Variants in CLCC1 observed in about 807,000 individuals in gnomAD.
CLCC1 encodes the protein chloride channel CLIC-like protein 1.
In CLCC1, 39 loss-of-function variants were observed where a neutral mutation model predicts 63.3. The ratio of observed to expected loss-of-function variants is 0.62; its 90% confidence interval spans 0.48 to 0.81. The LOEUF is 0.81. Among genes scored for constraint, CLCC1 ranks in the 30% least tolerant of loss-of-function variants. The pLI is 0.00. For missense variants in CLCC1, 549 were observed against 669.4 expected (o/e 0.82, Z 1.98); for synonymous variants, 217 against 239.8 (o/e 0.90, Z 0.88).
At chr1:108,963,161 G>C (rs949825028) in intron 1 of CLCC1, among the ~76,000 whole-genome samples, 200 bp downstream of exon 1, 1 of 152,228 alleles carries the variant, frequency 6.6e-6, no homozygotes, top group Non-Finnish European at 1.5e-5. Context: ...CGGACAGGCA[G>C]CCGCCGGCGC....
chr1:108,945,582 T>C (rs1307028686), intron 5 of CLCC1, among the ~76,000 whole-genome samples: 1 of 152,214 alleles, frequency 6.6e-6, no homozygotes, highest in Non-Finnish European at 1.5e-5. Context: ...ATGAGGTCAA[T>C]TCATAAATAC....
chr1:108,929,700 G>A lies in CLCC1; in HGVS notation c.*2847C>T. 2 of 1,612,990 alleles carry A rather than the reference G, an allele frequency of 1.2e-6. No homozygotes were observed. Among genetic ancestry groups the A allele is most frequent in the Non-Finnish European group, 1.7e-6 (2 of 1,179,194 alleles). ...TTTTAATCTCTCTCATAAACTTCTA[G>A]GGATCCAGATTAGATGATCAAAGAT... On this transcript the variant is annotated 3_prime_UTR_variant, in exon 13 of 13. Coordinates refer to ENST00000369969, the MANE Select transcript of CLCC1 (RefSeq NM_001377458.1).
At chr1:108,937,721 G>A (rs973862515) in intron 10 of CLCC1, among the ~76,000 whole-genome samples, 1 of 152,216 alleles carries the variant, frequency 6.6e-6, no homozygotes, top group African/African-American at 2.4e-5. Flanking sequence ...GTTCTAGTCT[G>A]ATAATTATTC....
chr1:108,941,882 G>C (rs1439954844), intron 7 of CLCC1, among the ~76,000 whole-genome samples: 2 of 151,984 alleles, frequency 1.3e-5, no homozygotes, highest in African/African-American at 4.8e-5. Flanking sequence ...TTGAACTCCT[G>C]ACCTCAAGTG....
intron 2 of CLCC1, among the ~76,000 whole-genome samples, chr1:108,958,269 G>A (rs756927815): frequency 3.3e-5 from 5 of 151,464 alleles, no homozygotes; most frequent in Non-Finnish European, 7.4e-5. Context: ...ACTGCAGTCT[G>A]AAAATATTAA....
At chr1:108,937,816 C>T (rs1045061582) in intron 10 of CLCC1, among the ~76,000 whole-genome samples, 2 of 152,146 alleles carry the variant, frequency 1.3e-5, no homozygotes, top group African/African-American at 4.8e-5. Flanking sequence ...ATCTTCTGTA[C>T]ATTTTCTTTT....
intron 2 of CLCC1, among the ~76,000 whole-genome samples, chr1:108,952,481 T>C (rs1655331331): frequency 6.6e-6 from 1 of 152,218 alleles, no homozygotes; most frequent in Non-Finnish European, 1.5e-5. Flanking sequence ...CCCCCTGTTT[T>C]TTTTTAACAA....
intron 12 of CLCC1, chr1:108,933,854 A>G (rs1652415335): frequency 1.3e-5 from 2 of 152,194 alleles, no homozygotes; most frequent in African/African-American, 4.8e-5. Flanking sequence ...CAAACTTCCT[A>G]TGGACAAGAC....
chr1:108,956,472 T>A (rs1414712263), intron 2 of CLCC1, among the ~76,000 whole-genome samples: 1 of 150,840 alleles, frequency 6.6e-6, no homozygotes, highest in Non-Finnish European at 1.5e-5. Context: ...CCATCCCGGC[T>A]AACACAGTGA....
intron 2 of CLCC1, among the ~76,000 whole-genome samples, chr1:108,954,851 T>TGTGTGTGTGTGA (rs1372044601): frequency 1.6e-4 from 24 of 145,734 alleles, no homozygotes; most frequent in African/African-American, 6.3e-4. Context: ...TGTGTGTGTG[T>TGTGTGTGTGTGA]GACGGAGTTT....
chr1:108,949,833 G>T lies in CLCC1; in HGVS notation c.218C>A (p.Ser73Tyr). The T allele has an allele frequency of 1.3e-6, 2 of 1,565,580 alleles. No homozygotes were observed. The highest frequency in any genetic ancestry group is 1.7e-6 in the Non-Finnish European group (2 of 1,154,762). ...AAAAAAACTAACCTTATAAGTTAAA[G>T]AATCAAGTTTGTGATAACATTCTGA... The part of the protein sequence containing the change: ...EISECYHKLD[S>Y]LTYKIDECEK... Residue 73 changes from serine to tyrosine, a missense_variant, in exon 4 of 13, where the codon TCT becomes TAT. Physicochemically the swap from Ser to Tyr is moderately radical, Grantham distance 144 (BLOSUM62 -2). Coordinates refer to ENST00000369969, the MANE Select transcript of CLCC1 (RefSeq NM_001377458.1).
At chr1:108,953,643 A>G (rs1346736259) in intron 2 of CLCC1, among the ~76,000 whole-genome samples, 1 of 152,232 alleles carries the variant, frequency 6.6e-6, no homozygotes, top group Non-Finnish European at 1.5e-5. Context: ...GACATTCAGT[A>G]AATGTTTGTT....
rs373586078 is a variant in CLCC1, at chr1:108,945,393, CAA to C, written c.340-1338_340-1337del. Among the ~76,000 whole-genome samples the C allele has an allele frequency of 8.6e-3, 1,304 of 152,238 alleles. 12 individuals carry two copies. Among genetic ancestry groups the C allele is most frequent in the Middle Eastern group, 0.014 (4 of 294 alleles). On this transcript the variant is annotated intron_variant, in intron 5 of 12. Transcript: ENST00000369969. ...AAAAAATATACCACTAAATAGACCACAAAAAAAGACACTTGTTTGCAGTACGA... is the reference window on the plus strand; with the variant it reads ...AAAAAATATACCACTAAATAGACCACAAAAAGACACTTGTTTGCAGTACGA...
chr1:108,941,419 G>A lies in CLCC1; in HGVS notation c.782C>T (p.Thr261Ile). Reference sequence around the variant, plus strand: ...AAACACCTTACCCCAGATACTTCCAGTCCAGTCCATCTTTTTGGCACACAC... The same window carrying A: ...AAACACCTTACCCCAGATACTTCCAATCCAGTCCATCTTTTTGGCACACAC... ...NNVCAKKMDW[T>I]GSIWEWFRSS... Residue 261 changes from threonine to isoleucine, a missense_variant, in exon 8 of 13, where the codon ACT (threonine) becomes ATT (isoleucine). Coordinates refer to ENST00000369969, the MANE Select transcript of CLCC1 (RefSeq NM_001377458.1). The A allele has an allele frequency of 1.2e-6, 2 of 1,613,820 alleles. No homozygotes were observed. Among genetic ancestry groups the A allele is most frequent in the South Asian group, 1.1e-5 (1 of 91,062 alleles).
At chr1:108,949,952 T>C (rs1654987763) in intron 3 of CLCC1, 31 bp from the exon 4 acceptor site, 1 of 1,344,296 alleles carries the variant, frequency 7.4e-7, no homozygotes, top group Non-Finnish European at 1.0e-6. Flanking sequence ...ATTTTATTTC[T>C]TTATAGTTTA....
chr1:108,944,186 T>C (rs1302872427), intron 5 of CLCC1, 129 bp from the exon 6 acceptor site: 38 of 692,944 alleles, frequency 5.5e-5, no homozygotes, highest in Middle Eastern at 8.1e-4. Context: ...ATAAGAATAA[T>C]AGCCTGGGCA....
chr1:108,930,013 G>T lies in CLCC1; in HGVS notation c.*2534C>A. On this transcript the variant is annotated 3_prime_UTR_variant, in exon 13 of 13. Coordinates refer to ENST00000369969, the MANE Select transcript of CLCC1 (RefSeq NM_001377458.1). ...TCTATTACTTTTTTCCTTAAAAGGA[G>T]AATTTATAGCACTGTAATACAGCTT... The T allele has an allele frequency of 1.5e-6, 2 of 1,333,212 alleles. No individual in the cohort carries two copies. The highest frequency in any genetic ancestry group is 2.1e-6 in the Non-Finnish European group (2 of 935,404). The allele number at this position is 1,333,212 out of a possible 1,614,324, so 82.6% of individuals were successfully genotyped here.
chr1:108,931,567 C>A lies in CLCC1; in HGVS notation c.*980G>T. The A allele has an allele frequency of 6.9e-7, 1 of 1,442,024 alleles. No individual in the cohort carries two copies. The highest frequency in any genetic ancestry group is 9.2e-7 in the Non-Finnish European group (1 of 1,087,624). 89.3% of individuals were successfully genotyped at this position (1,442,024 alleles called of 1,614,324 possible). A position where few individuals can be genotyped will look rare whatever the true frequency, so the allele number is the denominator to read the frequency against. The stretch of plus-strand genomic sequence containing the variant: ...TTTGGATGGGCAAATAGAACTATTT[C>A]TCTAATGGCCAATGTTTTTTAAGAG... On this transcript the variant is annotated 3_prime_UTR_variant, in exon 13 of 13. Transcript: ENST00000369969.
At chr1:108,953,387 T>A (rs970160321) in intron 2 of CLCC1, among the ~76,000 whole-genome samples, 5 of 152,226 alleles carry the variant, frequency 3.3e-5, no homozygotes, top group Non-Finnish European at 7.3e-5. Flanking sequence ...AAACTCCCAA[T>A]GTTTTGGCCA....
Sources: allele counts gnomAD v4.1 joint callset (sites outside exome capture counted in the v4.1 genomes callset), GRCh38; gene constraint gnomAD v4.1.1; transcripts MANE v1.5; gene names NCBI Gene and HGNC (gene_info 2026-07-23, HGNC 2026-07-21).